Variants in COL7A1 observed in about 807,000 individuals in gnomAD.
COL7A1 encodes collagen alpha-1(VII) chain.
In COL7A1, 296 loss-of-function variants were observed where a neutral mutation model predicts 456.2. The ratio of observed to expected loss-of-function variants is 0.65; its 90% CI spans 0.59 to 0.71. The LOEUF is 0.71. COL7A1 is among the 30% of genes least tolerant of loss of function. COL7A1 has a pLI of 0.00. For missense variants in COL7A1, 3,441 were observed against 4,017.2 expected, an observed-to-expected ratio of 0.86 and a Z score of 3.88; for synonymous variants, 1,464 against 1,525.9, an observed-to-expected ratio of 0.96 and a Z score of 0.95.
chr3:48,567,790 C>T lies in COL7A1; in HGVS notation c.7930-27G>A, dbSNP rs201807476. On this transcript the variant is annotated intron_variant, in intron 107 of 118. Transcript: ENST00000681320. The surrounding 1 kb of genome is among the most constrained non-coding windows in gnomAD (Gnocchi z 4.3). Reference sequence around the variant, plus strand: ...TGCAGGCATCAGGCAGTGGGGTGAGCCTTAGGCCCCAGGCCACGTAGCCCC... The same window carrying T: ...TGCAGGCATCAGGCAGTGGGGTGAGTCTTAGGCCCCAGGCCACGTAGCCCC... 15 of 1,614,146 alleles carry T rather than the reference C, an allele frequency of 9.3e-6. No homozygotes were observed. Among genetic ancestry groups the T allele is most frequent in the Admixed American group, 3.3e-5 (2 of 60,028 alleles).
Position 48,580,778 on chromosome 3 carries a change from C to T in COL7A1, c.4980+104G>A, listed in dbSNP as rs1280110262. 19 of 1,566,752 alleles carry T rather than the reference C, an allele frequency of 1.2e-5. No individual in the cohort carries two copies. Among genetic ancestry groups the T allele is most frequent in the Non-Finnish European group, 1.7e-5 (19 of 1,138,656 alleles). ...CATCAGAGGTTCCCATCACCCCATG[C>T]CTCCCTGCAGGGACTCCCATCACCC... is the stretch of plus-strand genomic sequence containing the variant. On this transcript the variant is annotated intron_variant, in intron 54 of 118. Transcript: ENST00000681320. The surrounding 1 kb of genome is among the most constrained non-coding windows in gnomAD (Gnocchi z 4.5).
Position 48,585,897 on chromosome 3 carries a change from C to T in COL7A1, c.3760-41G>A, listed in dbSNP as rs1472929213. 1 of 1,614,090 alleles carries T rather than the reference C, an allele frequency of 6.2e-7. No homozygotes were observed. Among genetic ancestry groups the T allele is most frequent in the Middle Eastern group, 1.6e-4 (1 of 6,062 alleles). ...TCAGATGTGGGTCAGAGTGGCTAGC[C>T]CCAGGTGCAGCCTCTGTTCACCTCT... is the stretch of plus-strand genomic sequence containing the variant. On this transcript the variant is annotated intron_variant, in intron 29 of 118. Transcript: ENST00000681320. The surrounding 1 kb of genome is among the most constrained non-coding windows in gnomAD (Gnocchi z 4.5).
chr3:48,586,386 C>T lies in COL7A1; in HGVS notation c.3496G>A (p.Asp1166Asn), dbSNP rs759356363. ...HVPGVMVLLVDEPLRGDIFSP... is the reference protein window; with the variant it reads ...HVPGVMVLLVNEPLRGDIFSP... ...AATATGTCACCTCTCAAGGGTTCAT[C>T]CACTAGCAGAACCATCACCCCTGGT... The change falls in exon 27 of 119, where the codon GAT becomes AAT. Residue 1166 changes from aspartate (D) to asparagine (N), a missense_variant. Asp to Asn is a conservative substitution (Grantham distance 23, BLOSUM62 1). Transcript: ENST00000681320. The surrounding 1 kb of genome is among the most constrained non-coding windows in gnomAD (Gnocchi z 5.1). 2 of 1,613,910 alleles carry T rather than the reference C, an allele frequency of 1.2e-6. No homozygotes were observed. The highest frequency in any genetic ancestry group is 1.7e-6 in the Non-Finnish European group (2 of 1,180,000).
In COL7A1 at chr3:48,578,430, G is replaced by A. The variant is rs760356078; in HGVS notation, c.5487+23C>T. ...TGAGGGTAGTAAGGGGGAAAAGGGGGTAACATGAAAGTCTGGTCTCACCGG... is the reference window on the plus strand; with the variant it reads ...TGAGGGTAGTAAGGGGGAAAAGGGGATAACATGAAAGTCTGGTCTCACCGG... On this transcript the variant is annotated intron_variant, in intron 64 of 118. Transcript: ENST00000681320. This position sits in a 1 kb window ranked among gnomAD's most constrained non-coding sequence, Gnocchi z 4.7. The A allele has an allele frequency of 3.7e-6, 6 of 1,613,448 alleles. No homozygotes were observed. The East Asian group carries it at 8.9e-5, about 24-fold the overall frequency.
At position 48,568,703 on chromosome 3, in the gene COL7A1, T is replaced by G. The variant is rs1244184236; in HGVS notation, c.7758+81A>C. Reference sequence around the variant, plus strand: ...GCAAGGGAGCCAGAACCCCCAGCACTTAAGAGGACCCCCAGGATATGTGTG... The same window carrying G: ...GCAAGGGAGCCAGAACCCCCAGCACGTAAGAGGACCCCCAGGATATGTGTG... On this transcript the variant is annotated intron_variant, in intron 104 of 118. Transcript: ENST00000681320. This position sits in a 1 kb window ranked among gnomAD's most constrained non-coding sequence, Gnocchi z 5.2. 3.0e-5 allele frequency: 45 copies of G among 1,509,208 alleles called. No homozygotes were observed. The highest frequency in any genetic ancestry group is 4.1e-5 in the Non-Finnish European group (45 of 1,110,034). 93.5% of individuals were successfully genotyped at this position (1,509,208 alleles called of 1,614,324 possible). A position where few individuals can be genotyped will look rare whatever the true frequency, so the allele number is the denominator to read the frequency against.
In COL7A1 at chr3:48,588,188, C is replaced by T. The variant is rs1264997580; in HGVS notation, c.2710+94G>A. 1 of 1,588,682 alleles carries T rather than the reference C, an allele frequency of 6.3e-7. No homozygotes were observed. The highest frequency in any genetic ancestry group is 1.3e-5 in the African/African-American group (1 of 74,282). ...GATCCCGCAGACCCCCAGTGACAGA[C>T]CCCGCCCACCATCACTGTCCTCGCC... On this transcript the variant is annotated intron_variant, in intron 21 of 118. Transcript: ENST00000681320. This position sits in a 1 kb window ranked among gnomAD's most constrained non-coding sequence, Gnocchi z 4.6.
Position 48,564,381 on chromosome 3 carries a change from T to C in COL7A1, c.*25A>G, listed in dbSNP as rs1223067281. 6.2e-7 allele frequency: 1 copy of C among 1,613,790 alleles called. No homozygotes were observed. The highest frequency in any genetic ancestry group is 2.2e-5 in the East Asian group (1 of 44,888). On this transcript the variant is annotated 3_prime_UTR_variant, in exon 119 of 119. Coordinates refer to ENST00000681320, the MANE Select transcript of COL7A1 (RefSeq NM_000094.4). The surrounding 1 kb of genome is among the most constrained non-coding windows in gnomAD (Gnocchi z 6.0). ...AGACCCCGACTCCTCCAGGGGATGC[T>C]GAATCTCAGCTCATTATCTGGGCCT... is the stretch of plus-strand genomic sequence containing the variant.
chr3:48,584,309 T>C lies in COL7A1; in HGVS notation c.4186A>G (p.Thr1396Ala), dbSNP rs773820875. The change falls in exon 37 of 119, where the codon ACA (threonine) becomes GCA (alanine). Residue 1396 changes from threonine to alanine, a missense_variant. By Grantham distance (58) the Thr-to-Ala change is moderately conservative. This residue lies in a region of COL7A1 where 2,084 missense variants were observed against 2,501.3 expected (regional missense o/e 0.83). Transcript: ENST00000681320. ...GPRGPPGLPG[T>A]AMKGDKGDRG... Reference sequence around the variant, plus strand: ...CATGAGGCTGTCACCTTCATGGCTGTTCCAGGAAGCCCTGGGGGGCCACGG... The same window carrying C: ...CATGAGGCTGTCACCTTCATGGCTGCTCCAGGAAGCCCTGGGGGGCCACGG... The C allele has an allele frequency of 1.9e-6, 3 of 1,609,650 alleles. No individual in the cohort carries two copies. The highest frequency in any genetic ancestry group is 2.5e-6 in the Non-Finnish European group (3 of 1,178,218).
chr3:48,589,251 G>C (rs757733862), intron 18 of COL7A1, 76 bp downstream of exon 18: 206 of 1,601,088 alleles, frequency 1.3e-4, no homozygotes, highest in Non-Finnish European at 1.6e-4. Context: ...GGTGGAGGCA[G>C]CTGGGCAATC....
chr3:48,580,215 C>T lies in COL7A1; in HGVS notation c.5097+85G>A. 2 of 1,562,928 alleles carry T rather than the reference C, an allele frequency of 1.3e-6. No homozygotes were observed. Among genetic ancestry groups the T allele is most frequent in the Admixed American group, 1.8e-5 (1 of 55,576 alleles). On this transcript the variant is annotated intron_variant, in intron 56 of 118. Coordinates refer to ENST00000681320, the MANE Select transcript of COL7A1 (RefSeq NM_000094.4). The surrounding 1 kb of genome is among the most constrained non-coding windows in gnomAD (Gnocchi z 4.5). ...CCATCCATGCTTCCCACCTGGACCT[C>T]CAGACCCCTTGTGTGAAGGCACACT... is the stretch of plus-strand genomic sequence containing the variant.
Position 48,574,506 on chromosome 3 carries a change from C to T in COL7A1, c.6438G>A (p.Arg2146=). The change falls in exon 79 of 119, where the codon AGG becomes AGA. Residue 2146 remains arginine (R), a synonymous_variant. Transcript: ENST00000681320. This position sits in a 1 kb window ranked among gnomAD's most constrained non-coding sequence, Gnocchi z 5.0. ...IKGDRGEPGP[R]GQDGNPGLPG... ...GACTTACCGGGTTGCCGTCCTGACC[C>T]CTCGGTCCAGGCTCTCCCCGGTCTC... is the stretch of plus-strand genomic sequence containing the variant. 1 of 1,614,080 alleles carries T rather than the reference C, an allele frequency of 6.2e-7. No individual in the cohort carries two copies. Among genetic ancestry groups the T allele is most frequent in the South Asian group, 1.1e-5 (1 of 91,086 alleles).
In COL7A1 at chr3:48,594,146, T is replaced by C. The variant is rs1200129527; in HGVS notation, c.266+222A>G. On this transcript the variant is annotated intron_variant, in intron 3 of 118. Coordinates refer to ENST00000681320, the MANE Select transcript of COL7A1 (RefSeq NM_000094.4). This position sits in a 1 kb window ranked among gnomAD's most constrained non-coding sequence, Gnocchi z 5.5. ...AAACACAGCCTCACTGTCTTGCACCTTCCTGTCTTGCAGTAGCCTGGAGGT... is the reference window on the plus strand; with the variant it reads ...AAACACAGCCTCACTGTCTTGCACCCTCCTGTCTTGCAGTAGCCTGGAGGT... Among the ~76,000 whole-genome samples, 1 of 152,216 alleles carries C rather than the reference T, an allele frequency of 6.6e-6. No individual in the cohort carries two copies. Among genetic ancestry groups the C allele is most frequent in the Non-Finnish European group, 1.5e-5 (1 of 68,022 alleles).
chr3:48,570,270 C>A lies in COL7A1; in HGVS notation c.7440+5G>T, dbSNP rs928106965. On this transcript the variant is annotated splice_donor_5th_base_variant and intron_variant, in intron 98 of 118. Coordinates refer to ENST00000681320, the MANE Select transcript of COL7A1 (RefSeq NM_000094.4). The surrounding 1 kb of genome is among the most constrained non-coding windows in gnomAD (Gnocchi z 5.5). ...GAGTTCGGCTGTGGAGTAAGACATA[C>A]GTACCCGGATGCCTGGCTCCCCACG... 6.2e-7 allele frequency: 1 copy of A among 1,614,080 alleles called. No homozygotes were observed. The highest frequency in any genetic ancestry group is 8.5e-7 in the Non-Finnish European group (1 of 1,179,984).
Position 48,568,185 on chromosome 3 carries a change from G to A in COL7A1, c.7795-15C>T. The A allele has an allele frequency of 6.2e-7, 1 of 1,611,598 alleles. No individual in the cohort carries two copies. The highest frequency in any genetic ancestry group is 8.5e-7 in the Non-Finnish European group (1 of 1,179,806). On this transcript the variant is annotated splice_polypyrimidine_tract_variant and intron_variant, in intron 105 of 118. Coordinates refer to ENST00000681320, the MANE Select transcript of COL7A1 (RefSeq NM_000094.4). The surrounding 1 kb of genome is among the most constrained non-coding windows in gnomAD (Gnocchi z 5.2). Reference sequence around the variant, plus strand: ...CCTGGGGATCCCTAGCAGGGAGAGGGTCCATGTGAGGTCAGAGGAGGTCAG... The same window carrying A: ...CCTGGGGATCCCTAGCAGGGAGAGGATCCATGTGAGGTCAGAGGAGGTCAG...
In COL7A1 at chr3:48,594,279, G is replaced by A; in HGVS notation, c.266+89C>T. ...CCAAAACTTGTTTCTGCAAAGACCT[G>A]GCCTGGGGTTTCCAGGGTCTCCTCC... On this transcript the variant is annotated intron_variant, in intron 3 of 118. Coordinates refer to ENST00000681320, the MANE Select transcript of COL7A1 (RefSeq NM_000094.4). This position sits in a 1 kb window ranked among gnomAD's most constrained non-coding sequence, Gnocchi z 5.5. 6.7e-7 allele frequency: 1 copy of A among 1,500,474 alleles called. No individual in the cohort carries two copies. Among genetic ancestry groups the A allele is most frequent in the Non-Finnish European group, 9.1e-7 (1 of 1,094,058 alleles). The allele number at this position is 1,500,474 out of a possible 1,614,324, so 92.9% of individuals were successfully genotyped here.
Position 48,574,140 on chromosome 3 carries a change from C to G in COL7A1, c.6501+122G>C. 1 of 1,316,304 alleles carries G rather than the reference C, an allele frequency of 7.6e-7. No homozygotes were observed. The highest frequency in any genetic ancestry group is 1.2e-5 in the South Asian group (1 of 84,646). The allele number at this position is 1,316,304 out of a possible 1,614,324, so 81.5% of individuals were successfully genotyped here. A position where few individuals can be genotyped will look rare whatever the true frequency, so the allele number is the denominator to read the frequency against. On this transcript the variant is annotated intron_variant, in intron 80 of 118. Transcript: ENST00000681320. The surrounding 1 kb of genome is among the most constrained non-coding windows in gnomAD (Gnocchi z 5.0). ...ACAGGCACACACAAGCAGGCACACA[C>G]AGAGAGGCACACAGACACAGGTACA... is the stretch of plus-strand genomic sequence containing the variant.
chr3:48,589,925 T>C (rs1299688395), intron 16 of COL7A1, among the ~76,000 whole-genome samples: 6 of 151,500 alleles, frequency 4.0e-5, no homozygotes, highest in Non-Finnish European at 2.9e-5. Context: ...TCAGAGGAGA[T>C]TTGGGTCCAG....
At position 48,590,629 on chromosome 3, in the gene COL7A1, G is replaced by C; in HGVS notation, c.1780+44C>G. On this transcript the variant is annotated intron_variant, in intron 14 of 118. Transcript: ENST00000681320. This position sits in a 1 kb window ranked among gnomAD's most constrained non-coding sequence, Gnocchi z 4.6. ...GTCAGAAGTCAGAACCAGGACCAGA[G>C]TGAGGCAGGCAGCTGTCCTCCACAA... 6.2e-7 allele frequency: 1 copy of C among 1,614,016 alleles called. No individual in the cohort carries two copies. The highest frequency in any genetic ancestry group is 8.5e-7 in the Non-Finnish European group (1 of 1,180,034).
Position 48,589,463 on chromosome 3 carries a change from C to T in COL7A1, c.2178G>A (p.Glu726=), listed in dbSNP as rs777401461. 5.0e-6 allele frequency: 8 copies of T among 1,613,736 alleles called. No individual in the cohort carries two copies. The highest frequency in any genetic ancestry group is 1.3e-5 in the African/African-American group (1 of 75,028). The change falls in exon 18 of 119, where the codon GAG becomes GAA. Residue 726 remains glutamate, a synonymous_variant. Transcript: ENST00000681320. The stretch of plus-strand genomic sequence containing the variant: ...CCTCCCCAGAAACCAACTGGGATTT[C>T]TCTGGGCCTGGGAACAGGGATGGAG... ...RVSWHSAHGP[E]KSQLVSGEAT... is the part of the protein sequence containing the mutation.
Sources: allele counts gnomAD v4.1 joint callset (sites outside exome capture counted in the v4.1 genomes callset), GRCh38; gene constraint gnomAD v4.1.1; regional missense constraint gnomAD v4.1.1; non-coding constraint Gnocchi (gnomAD v3.1); transcripts MANE v1.5; gene names NCBI Gene and HGNC (gene_info 2026-07-23, HGNC 2026-07-21).